The following SAMD5 variants were observed in gnomAD, a reference collection of about 807,000 sequenced individuals.
SAMD5 encodes sterile alpha motif domain-containing protein 5.
Under a neutral mutation model 11.3 loss-of-function variants are expected in SAMD5, and 13 were observed. That is an observed-to-expected ratio of 1.15 (90% confidence interval 0.75 to 1.83). The LOEUF is 1.83. Among genes scored for constraint, SAMD5 ranks in the 40% most tolerant of loss-of-function variants. The pLI is 0.00. For missense variants in SAMD5, 255 were observed against 239.1 expected, an observed-to-expected ratio of 1.07 and a Z score of -0.44; for synonymous variants, 129 against 111.3, an observed-to-expected ratio of 1.16 and a Z score of -1.00.
the SAMD5 span, among the ~76,000 whole-genome samples, chr6:147,792,093 ATC>A: frequency 6.6e-6 from 1 of 152,196 alleles, no homozygotes; most frequent in Non-Finnish European, 1.5e-5. Context: ...GATTGGGGGA[ATC>A]TCAGGGTGGA....
the SAMD5 span, among the ~76,000 whole-genome samples, chr6:147,914,470 A>G: frequency 1.3e-5 from 2 of 152,182 alleles, no homozygotes; most frequent in African/African-American, 4.8e-5. Flanking sequence ...GGAAAAAAGG[A>G]GGAATTCATG....
intron 1 of SAMD5, among the ~76,000 whole-genome samples, chr6:147,653,987 C>T (rs1790529814): frequency 6.6e-6 from 1 of 152,198 alleles, no homozygotes. Flanking sequence ...ATGTAATCAA[C>T]AATGACACGA....
the SAMD5 span, among the ~76,000 whole-genome samples, chr6:147,827,460 T>C: frequency 6.6e-6 from 1 of 152,048 alleles, no homozygotes; most frequent in Non-Finnish European, 1.5e-5. Context: ...GAGAGGAAAG[T>C]ACAAACAATA....
At chr6:147,843,927 T>C in the SAMD5 span, among the ~76,000 whole-genome samples, 1 of 152,098 alleles carries the variant, frequency 6.6e-6, no homozygotes, top group South Asian at 2.1e-4. Context: ...ATTACATTGG[T>C]CTGGACAGTG....
the SAMD5 span, among the ~76,000 whole-genome samples, chr6:147,949,475 A>G: frequency 2.0e-5 from 3 of 152,218 alleles, no homozygotes; most frequent in Admixed American, 6.5e-5. Context: ...TTCACTATAA[A>G]GAGAACTTGA....
At chr6:147,606,611 G>A (rs1024331603) in intron 1 of SAMD5, among the ~76,000 whole-genome samples, 5 of 151,682 alleles carry the variant, frequency 3.3e-5, no homozygotes, top group African/African-American at 1.2e-4. Context: ...TAGATAGTGG[G>A]TAACAGATAG....
At chr6:147,899,345 T>C in the SAMD5 span, among the ~76,000 whole-genome samples, 1 of 152,052 alleles carries the variant, frequency 6.6e-6, no homozygotes, top group East Asian at 1.9e-4. Context: ...AAGGACCAGC[T>C]GGAGAGAAGA....
chr6:147,541,118 A>G (rs574278366), intron 1 of SAMD5, among the ~76,000 whole-genome samples: 1 of 151,328 alleles, frequency 6.6e-6, no homozygotes, highest in East Asian at 2.0e-4. Context: ...CCTGGATAAT[A>G]TTTGTATTTT....
At chr6:147,929,852 C>A in the SAMD5 span, among the ~76,000 whole-genome samples, 1 of 152,068 alleles carries the variant, frequency 6.6e-6, no homozygotes, top group Non-Finnish European at 1.5e-5. Flanking sequence ...GAAAACTTAG[C>A]CAAAAGTAAT....
chr6:147,682,111 A>ATC (rs1375748346), intron 1 of SAMD5, among the ~76,000 whole-genome samples: 1 of 152,044 alleles, frequency 6.6e-6, no homozygotes, highest in Non-Finnish European at 1.5e-5. Context: ...CTGGACTCTT[A>ATC]TCTCTGTCTC....
chr6:147,737,238 C>T (rs1449658372), intron 1 of SAMD5: 18 of 773,998 alleles, frequency 2.3e-5, no homozygotes, highest in Admixed American at 8.1e-5. Context: ...GTTTTCAGTT[C>T]CCCCTTCACC....
chr6:147,763,476 T>A, the SAMD5 span, among the ~76,000 whole-genome samples: 10 of 151,614 alleles, frequency 6.6e-5, no homozygotes, highest in African/African-American at 2.4e-4. Flanking sequence ...ATGGATTTTT[T>A]TTTTTATTAA....
the SAMD5 span, among the ~76,000 whole-genome samples, chr6:147,750,363 A>G: frequency 6.6e-6 from 1 of 152,148 alleles, no homozygotes; most frequent in Non-Finnish European, 1.5e-5. Context: ...CATATTCCCA[A>G]TCTGGGTTAT....
chr6:147,891,793 A>C, the SAMD5 span, among the ~76,000 whole-genome samples: 3 of 152,122 alleles, frequency 2.0e-5, no homozygotes, highest in African/African-American at 4.8e-5. Context: ...TTAAAACAAA[A>C]AAAAAACCTA....
At chr6:147,942,970 T>C in the SAMD5 span, among the ~76,000 whole-genome samples, 1 of 152,050 alleles carries the variant, frequency 6.6e-6, no homozygotes, top group East Asian at 1.9e-4. Flanking sequence ...CACGCCACCA[T>C]GCCTGGCTAA....
At chr6:147,613,499 T>C (rs1307777021) in intron 1 of SAMD5, among the ~76,000 whole-genome samples, 4 of 151,928 alleles carry the variant, frequency 2.6e-5, no homozygotes, top group Non-Finnish European at 5.9e-5. Context: ...TTGAGACCAC[T>C]CTTTTTCTTC....
chr6:147,690,904 T>G (rs1791091121), intron 1 of SAMD5, among the ~76,000 whole-genome samples: 1 of 147,430 alleles, frequency 6.8e-6, no homozygotes, highest in Non-Finnish European at 1.5e-5. Context: ...TAACCCAGAA[T>G]AAGTGCGATT....
At chr6:147,792,044 G>C in the SAMD5 span, among the ~76,000 whole-genome samples, 4 of 152,154 alleles carry the variant, frequency 2.6e-5, no homozygotes, top group African/African-American at 9.7e-5. Flanking sequence ...ATAGTACAAA[G>C]AGTGCCTCTT....
chr6:147,615,897 G>A (rs1184205814), intron 1 of SAMD5, among the ~76,000 whole-genome samples: 2 of 152,104 alleles, frequency 1.3e-5, no homozygotes, highest in Non-Finnish European at 2.9e-5. Flanking sequence ...TCTTCTAGAT[G>A]AGAGGTCACG....
Sources: allele counts gnomAD v4.1 joint callset (sites outside exome capture counted in the v4.1 genomes callset), GRCh38; gene constraint gnomAD v4.1.1; transcripts MANE v1.5; gene names NCBI Gene and HGNC (gene_info 2026-07-23, HGNC 2026-07-21).